The following BDP1 variants were observed in gnomAD, a reference collection of about 807,000 sequenced individuals.
BDP1 encodes the protein transcription factor TFIIIB component B'' homolog.
In BDP1, 169 loss-of-function variants were observed where a neutral mutation model predicts 266.6. The observed-to-expected ratio is 0.63, with a 90% CI of 0.56 to 0.72. BDP1 has a LOEUF of 0.72. Among genes scored for constraint, BDP1 ranks in the 30% least tolerant of loss-of-function variants. The pLI is 0.00. For synonymous variants in BDP1, 1,090 were observed against 1,022.4 expected, an observed-to-expected ratio of 1.07 and a Z score of -1.26; for missense variants, 3,015 against 3,053.8, an observed-to-expected ratio of 0.99 and a Z score of 0.30.
intron 26 of BDP1, among the ~76,000 whole-genome samples, chr5:71,534,841 A>T (rs1267230269): frequency 6.6e-6 from 1 of 151,990 alleles, no homozygotes; most frequent in Non-Finnish European, 1.5e-5. Context: ...GGGTTTCTCC[A>T]TGTTGGTCAG....
At chr5:71,484,044 G>A (rs2150396918) in intron 8 of BDP1, 148 bp downstream of exon 8, 2 of 644,472 alleles carry the variant, frequency 3.1e-6, no homozygotes, top group East Asian at 2.7e-5. Flanking sequence ...CTGTTTAGCA[G>A]TATGGGTCTG....
chr5:71,499,404 G>A (rs1395017106), intron 13 of BDP1, among the ~76,000 whole-genome samples: 1 of 152,138 alleles, frequency 6.6e-6, no homozygotes, highest in Non-Finnish European at 1.5e-5. Context: ...CTTACTTTAG[G>A]CCAGGAGTTT....
At chr5:71,557,513 T>A (rs1484814254) in intron 36 of BDP1, among the ~76,000 whole-genome samples, 1 of 151,374 alleles carries the variant, frequency 6.6e-6, no homozygotes, top group African/African-American at 2.4e-5. Flanking sequence ...GCCTCCCTAG[T>A]AGCTGGGACT....
At chr5:71,578,191 C>G in the BDP1 span, among the ~76,000 whole-genome samples, 1 of 152,212 alleles carries the variant, frequency 6.6e-6, no homozygotes, top group Non-Finnish European at 1.5e-5. Context: ...CACCCCTTCT[C>G]ACTATCTCTT....
At chr5:71,489,921 C>T (rs71624253) in intron 10 of BDP1, among the ~76,000 whole-genome samples, 2 of 152,178 alleles carry the variant, frequency 1.3e-5, no homozygotes, top group Non-Finnish European at 2.9e-5. Context: ...TGTATCACCT[C>T]CTGTGCATTC....
chr5:71,491,223 G>T, intron 11 of BDP1, 92 bp downstream of exon 11: 1 of 1,242,604 alleles, frequency 8.0e-7, no homozygotes, highest in Non-Finnish European at 1.1e-6. Flanking sequence ...GGATTTGCCT[G>T]TTTCTTTTTT....
chr5:71,551,827 TC>T (rs1313503526), intron 34 of BDP1, among the ~76,000 whole-genome samples: 1 of 133,752 alleles, frequency 7.5e-6, no homozygotes, highest in Non-Finnish European at 1.6e-5. Flanking sequence ...GCAGAGGGGC[TC>T]CCCACTTCCC....
At chr5:71,544,574 G>C in intron 31 of BDP1, 67 bp downstream of exon 31, 4 of 1,515,764 alleles carry the variant, frequency 2.6e-6, no homozygotes, top group Non-Finnish European at 3.6e-6. Flanking sequence ...AGTTGTGGCT[G>C]TAAGAATTTG....
Position 71,509,954 on chromosome 5 carries a change from G to C in BDP1, c.2862G>C (p.Glu954Asp). 3.1e-6 allele frequency: 5 copies of C among 1,613,688 alleles called. No homozygotes were observed. Among genetic ancestry groups the C allele is most frequent in the Non-Finnish European group, 4.2e-6 (5 of 1,179,932 alleles). ...PEEVKPLGEV[E>D]TDLKATGNES... ...AGGTTAAGCCTCTAGGTGAAGTGGA[G>C]ACAGATTTGAAAGCAACTGGAAATG... The change falls in exon 17 of 39, where the codon GAG becomes GAC. Residue 954 changes from glutamate to aspartate, a missense_variant. Around this residue, in one of 3 missense-constraint regions of BDP1, gnomAD observed 2,383 missense variants for 2,404.9 expected, o/e 0.99. Transcript: ENST00000358731.
intron 35 of BDP1, among the ~76,000 whole-genome samples, chr5:71,555,920 T>G (rs1367777391): frequency 6.6e-6 from 1 of 151,994 alleles, no homozygotes; most frequent in South Asian, 2.1e-4. Context: ...GTATTTGTAT[T>G]TGAATCATAT....
At chr5:71,557,224 G>A (rs886203500) in intron 36 of BDP1, among the ~76,000 whole-genome samples, 2 of 151,716 alleles carry the variant, frequency 1.3e-5, no homozygotes, top group Admixed American at 6.6e-5. Flanking sequence ...CCCCCGCCCC[G>A]CCAAGACAGG....
chr5:71,535,745 C>T (rs968191689), intron 26 of BDP1, among the ~76,000 whole-genome samples: 11 of 152,066 alleles, frequency 7.2e-5, no homozygotes, highest in African/African-American at 2.7e-4. Flanking sequence ...AGCCGGCAGT[C>T]CTTACCATTT....
chr5:71,501,638 C>A lies in BDP1; in HGVS notation c.2033C>A (p.Ala678Asp). The A allele has an allele frequency of 6.8e-7, 1 of 1,466,008 alleles. No individual in the cohort carries two copies. Among genetic ancestry groups the A allele is most frequent in the Non-Finnish European group, 9.5e-7 (1 of 1,057,924 alleles). 90.8% of individuals were successfully genotyped at this position (1,466,008 alleles called of 1,614,324 possible). ...ACTACAGAGAGAGAGAATCCAGAAG[C>A]TGAAACTGTATCTGTGTGAGTATTC... ...METTERENPE[A>D]ETVSVLGEKN... is the part of the protein sequence containing the mutation. Residue 678 changes from alanine to aspartate, a missense_variant, in exon 14 of 39, where the codon GCT becomes GAT. Ala to Asp is a moderately radical substitution (Grantham distance 126). Transcript: ENST00000358731.
In BDP1 at chr5:71,467,458, A is replaced by G. The variant is rs1761973276; in HGVS notation, c.890A>G (p.Asn297Ser). 2 of 1,608,076 alleles carry G rather than the reference A, an allele frequency of 1.2e-6. No individual in the cohort carries two copies. The highest frequency in any genetic ancestry group is 1.7e-4 in the Middle Eastern group (1 of 6,054). The change falls in exon 6 of 39, where the codon AAC becomes AGC. Residue 297 changes from asparagine (N) to serine (S), a missense_variant. Physicochemically the swap from Asn to Ser is conservative, Grantham distance 46. Around this residue, in one of 3 missense-constraint regions of BDP1, gnomAD observed 2,383 missense variants for 2,404.9 expected, o/e 0.99. Transcript: ENST00000358731. ...ACTACATACTCCAGCTTTAGGAAAA[A>G]CTATTACTCTAAACCATGGTCAAAT... The part of the protein sequence containing the change: ...STTTYSSFRK[N>S]YYSKPWSNKE...
intron 37 of BDP1, among the ~76,000 whole-genome samples, chr5:71,561,110 GA>G (rs907130816): frequency 7.1e-4 from 102 of 143,848 alleles, no homozygotes; most frequent in African/African-American, 2.5e-3. Context: ...TCTGAAAAAA[GA>G]AAAAAAAAGG....
rs746187458 is a variant in BDP1, at chr5:71,476,445, C to T, written c.1014+5956C>T. On this transcript the variant is annotated intron_variant, in intron 7 of 38. Coordinates refer to ENST00000358731, the MANE Select transcript of BDP1 (RefSeq NM_018429.3). Reference sequence around the variant, plus strand: ...GTTGGGGTGCACTGACCTCCCAGCACGTGGTTGCATTCACCAACCACGAAG... The same window carrying T: ...GTTGGGGTGCACTGACCTCCCAGCATGTGGTTGCATTCACCAACCACGAAG... 3.3e-5 allele frequency: 5 copies of T among 152,206 alleles called. No homozygotes were observed. The East Asian group carries it at 5.8e-4, about 18-fold the overall frequency. 9.4% of individuals were successfully genotyped at this position (152,206 alleles called of 1,614,324 possible).
intron 7 of BDP1, among the ~76,000 whole-genome samples, chr5:71,477,617 A>ATTTTTTCTTTTT (rs1554111684): frequency 7.6e-5 from 11 of 144,348 alleles, no homozygotes; most frequent in Admixed American, 1.4e-4. Flanking sequence ...GTTCAGACAA[A>ATTTTTTCTTTTT]TTTTTTCTTT....
rs901137963 is a variant in BDP1 at position 71,456,082 on chromosome 5, A to G, written c.205A>G (p.Arg69Gly). The G allele has an allele frequency of 6.2e-7, 1 of 1,612,894 alleles. No homozygotes were observed. Among genetic ancestry groups the G allele is most frequent in the Non-Finnish European group, 8.5e-7 (1 of 1,179,910 alleles). The change falls in exon 1 of 39, where the codon AGG (arginine) becomes GGG (glycine). Residue 69 changes from arginine (R) to glycine (G), a missense_variant. Transcript: ENST00000358731. ...GGAEPQEKAPRSSTEKTGGDN... is the reference protein window; with the variant it reads ...GGAEPQEKAPGSSTEKTGGDN... ...AGCGGAGCCCCAAGAAAAGGCTCCT[A>G]GGAGCAGGTAAGAGGTTGCAGAGGG...
intron 33 of BDP1, 26 bp from the exon 34 acceptor site, chr5:71,549,394 T>C (rs753739851): frequency 1.3e-5 from 21 of 1,564,776 alleles, no homozygotes; most frequent in Non-Finnish European, 1.6e-5. Context: ...TGAGCTTTTT[T>C]ATTACTAACT....
Sources: allele counts gnomAD v4.1 joint callset (sites outside exome capture counted in the v4.1 genomes callset), GRCh38; gene constraint gnomAD v4.1.1; regional missense constraint gnomAD v4.1.1; transcripts MANE v1.5; gene names NCBI Gene and HGNC (gene_info 2026-07-23, HGNC 2026-07-21).